The following RSRC1 variants were observed in gnomAD, a reference collection of about 807,000 sequenced individuals.
RSRC1 encodes the protein arginine and serine rich coiled-coil 1.
In RSRC1, 39 loss-of-function variants were observed where a neutral mutation model predicts 49.1. The ratio of observed to expected loss-of-function variants is 0.79; its 90% CI spans 0.61 to 1.04. The LOEUF is 1.04. Ranked by LOEUF, RSRC1 falls within the 50% of genes least tolerant of loss-of-function variation. The pLI is 0.00. For missense variants in RSRC1, 388 were observed against 402.4 expected (o/e 0.96, Z 0.31); for synonymous variants, 143 against 130.8 (o/e 1.09, Z -0.63).
intron 3 of RSRC1, among the ~76,000 whole-genome samples, chr3:158,128,332 A>G (rs1715767917): frequency 6.6e-6 from 1 of 152,298 alleles, no homozygotes; most frequent in South Asian, 2.1e-4. Context: ...GTGAGGTTGT[A>G]CTTGGCTTTG....
At chr3:158,225,071 G>T (rs698988) in intron 4 of RSRC1, among the ~76,000 whole-genome samples, 1 of 151,456 alleles carries the variant, frequency 6.6e-6, no homozygotes, top group Non-Finnish European at 1.5e-5. Context: ...CTTTTTGTCT[G>T]TCTTGACAAT....
At chr3:158,414,238 A>G in intron 6 of RSRC1, among the ~76,000 whole-genome samples, 1 of 152,148 alleles carries the variant, frequency 6.6e-6, no homozygotes, top group East Asian at 1.9e-4. Flanking sequence ...GAATGAGATC[A>G]TGCCCTTTGC....
intron 3 of RSRC1, among the ~76,000 whole-genome samples, chr3:158,154,054 G>C (rs562018759): frequency 6.6e-6 from 1 of 152,208 alleles, no homozygotes; most frequent in African/African-American, 2.4e-5. Flanking sequence ...TTGCAGGTTT[G>C]TATCCACACC....
rs115319476 is a variant in RSRC1 at position 158,336,990 on chromosome 3, G to A, written c.532-17867G>A. ...GCCCGGCATAGCCGTGATAAGAGGT[G>A]GGAGATTTCCCGTCTGTGCCTGAGT... On this transcript the variant is annotated intron_variant, in intron 5 of 9. Coordinates refer to ENST00000611884, the MANE Select transcript of RSRC1 (RefSeq NM_001271838.2). Among the ~76,000 whole-genome samples, 708 of 152,250 alleles carry A rather than the reference G, an allele frequency of 4.7e-3. 4 individuals are homozygous for A. Among genetic ancestry groups the A allele is most frequent in the African/African-American group, 0.016 (665 of 41,536 alleles).
rs1193505 is a variant in RSRC1 at position 158,276,538 on chromosome 3, G to T, written c.495-21501G>T. 9 of 535,000 alleles carry T rather than the reference G, an allele frequency of 1.7e-5. No individual in the cohort carries two copies. In the East Asian group the frequency reaches 2.8e-4, roughly 17 times the overall value. The allele number at this position is 535,000 out of a possible 1,614,324, so 33.1% of individuals were successfully genotyped here. Reference sequence around the variant, plus strand: ...CCCTCTTTTCTCAAACTCTCAGTTTGTAAAGAGTTGAATTGATGTTGTGGA... The same window carrying T: ...CCCTCTTTTCTCAAACTCTCAGTTTTTAAAGAGTTGAATTGATGTTGTGGA... On this transcript the variant is annotated intron_variant, in intron 4 of 9. Transcript: ENST00000611884.
chr3:158,415,519 T>G (rs1336845348), intron 6 of RSRC1, among the ~76,000 whole-genome samples: 2 of 151,990 alleles, frequency 1.3e-5, no homozygotes, highest in Non-Finnish European at 2.9e-5. Context: ...GGTGCTTCAT[T>G]TTCCTCAGTG....
intron 3 of RSRC1, among the ~76,000 whole-genome samples, chr3:158,182,901 G>A (rs1463607252): frequency 6.6e-6 from 1 of 151,982 alleles, no homozygotes; most frequent in East Asian, 1.9e-4. Flanking sequence ...ATGGTACTGA[G>A]CTGTATAGTA....
intron 1 of RSRC1, 26 bp from the exon 2 acceptor site, chr3:158,122,077 A>G (rs1323288173): frequency 1.4e-6 from 2 of 1,382,564 alleles, no homozygotes; most frequent in South Asian, 1.6e-5. Flanking sequence ...TGTTAGAAAT[A>G]ATATTCTTCA....
chr3:158,333,069 C>T (rs552830841), intron 5 of RSRC1, among the ~76,000 whole-genome samples: 9 of 151,508 alleles, frequency 5.9e-5, no homozygotes, highest in African/African-American at 1.2e-4. Context: ...CCCGGGTTCA[C>T]GCCATTCGCC....
At chr3:158,395,185 A>G (rs1265536349) in intron 6 of RSRC1, among the ~76,000 whole-genome samples, 1 of 152,132 alleles carries the variant, frequency 6.6e-6, no homozygotes, top group African/African-American at 2.4e-5. Flanking sequence ...TCAACTCAAG[A>G]TGGATTAAAG....
rs758565741 is a variant in RSRC1, at chr3:158,135,433, CT to C, written c.320+11443del. On this transcript the variant is annotated intron_variant, in intron 3 of 9. Coordinates refer to ENST00000611884, the MANE Select transcript of RSRC1 (RefSeq NM_001271838.2). ...TACAGGCATGCACCACCACACCCAGCTATTTTTTTTTTTTTTTTGAATTTTT... is the reference window on the plus strand; with the variant it reads ...TACAGGCATGCACCACCACACCCAGCATTTTTTTTTTTTTTTTGAATTTTT... Among the ~76,000 whole-genome samples the C allele has an allele frequency of 1.4e-3, 209 of 146,552 alleles. 1 individual carries two copies. Among genetic ancestry groups the C allele is most frequent in the Non-Finnish European group, 1.4e-3 (95 of 66,756 alleles).
At chr3:158,197,558 G>C (rs897597437) in intron 3 of RSRC1, among the ~76,000 whole-genome samples, 6 of 151,900 alleles carry the variant, frequency 3.9e-5, no homozygotes, top group Non-Finnish European at 5.9e-5. Context: ...GAATGTGTTT[G>C]CTCTTGTTTC....
chr3:158,436,205 G>T (rs1383424833), intron 6 of RSRC1, among the ~76,000 whole-genome samples: 1 of 151,902 alleles, frequency 6.6e-6, no homozygotes, highest in Non-Finnish European at 1.5e-5. Context: ...GTCTAGTGGG[G>T]AAGAAAGACA....
At chr3:158,269,660 G>A (rs1326404629) in intron 4 of RSRC1, among the ~76,000 whole-genome samples, 1 of 151,994 alleles carries the variant, frequency 6.6e-6, no homozygotes, top group Non-Finnish European at 1.5e-5. Flanking sequence ...CTACAGGCAT[G>A]TGCCACCATG....
At chr3:158,254,487 A>G (rs1255902588) in intron 4 of RSRC1, among the ~76,000 whole-genome samples, 3 of 151,578 alleles carry the variant, frequency 2.0e-5, no homozygotes. Flanking sequence ...GCTGGAGTGC[A>G]GTGGTGCGAT....
At chr3:158,401,240 G>A (rs989084601) in intron 6 of RSRC1, among the ~76,000 whole-genome samples, 1 of 151,950 alleles carries the variant, frequency 6.6e-6, no homozygotes, top group African/African-American at 2.4e-5. Context: ...ACTGTAACGG[G>A]CAGAGATGTC....
At chr3:158,522,520 A>T (rs1229746894) in intron 7 of RSRC1, among the ~76,000 whole-genome samples, 1 of 152,166 alleles carries the variant, frequency 6.6e-6, no homozygotes, top group Admixed American at 6.6e-5. Context: ...GCTTGTCTTG[A>T]TTAAAAGCCA....
intron 6 of RSRC1, among the ~76,000 whole-genome samples, chr3:158,439,018 C>T (rs1028883276): frequency 1.3e-5 from 2 of 152,164 alleles, no homozygotes. Flanking sequence ...TGAAGAGGCA[C>T]TTCTCAAAAG....
At chr3:158,175,350 A>T (rs1180428274) in intron 3 of RSRC1, among the ~76,000 whole-genome samples, 1 of 152,090 alleles carries the variant, frequency 6.6e-6, no homozygotes, top group Non-Finnish European at 1.5e-5. Flanking sequence ...CTTTGTGGTT[A>T]GTACTTTTTG....
Sources: allele counts gnomAD v4.1 joint callset (sites outside exome capture counted in the v4.1 genomes callset), GRCh38; gene constraint gnomAD v4.1.1; transcripts MANE v1.5; gene names NCBI Gene and HGNC (gene_info 2026-07-23, HGNC 2026-07-21).